The following MTMR9 variants were observed in gnomAD, a reference collection of about 807,000 sequenced individuals.
The protein encoded by MTMR9 is myotubularin-related protein 9.
MTMR9 carries 39 observed loss-of-function variants against 69.5 expected under a neutral mutation model. That is an observed-to-expected ratio of 0.56 (90% CI 0.43 to 0.73). The LOEUF (loss-of-function observed/expected upper bound fraction) is 0.73, where lower values mean the gene tolerates loss of function less well. Among genes scored for constraint, MTMR9 ranks in the 30% least tolerant of loss-of-function variants. The pLI is 0.00. For missense variants in MTMR9, 900 were observed against 671.2 expected (o/e 1.34, Z -3.77); for synonymous variants, 354 against 240.8 (o/e 1.47, Z -4.35).
chr8:11,329,415 C>A (rs961719707), downstream of MTMR9, among the ~76,000 whole-genome samples: 3 of 152,220 alleles, frequency 2.0e-5, no homozygotes, highest in Non-Finnish European at 4.4e-5. Context: ...ACCTCCCTGC[C>A]TGATTCTCCT....
chr8:11,332,323 T>G, downstream of MTMR9: 129 of 746,398 alleles, frequency 1.7e-4, no homozygotes, highest in Non-Finnish European at 2.3e-4. Flanking sequence ...AAATGAGAAA[T>G]CTGGCTTATT....
intron 1 of MTMR9, among the ~76,000 whole-genome samples, chr8:11,288,237 TAATAA>T (rs1174036686): frequency 1.5e-5 from 2 of 136,928 alleles, no homozygotes; most frequent in East Asian, 4.0e-4. Flanking sequence ...TAATATATAA[TAATAA>T]TAATTATATT....
chr8:11,288,557 C>G (rs559176525), intron 1 of MTMR9, among the ~76,000 whole-genome samples: 7 of 151,814 alleles, frequency 4.6e-5, no homozygotes, highest in African/African-American at 1.7e-4. Context: ...GAGGGAACAG[C>G]GAATACAAAG....
intron 1 of MTMR9, among the ~76,000 whole-genome samples, chr8:11,288,455 A>T (rs1814898434): frequency 6.6e-6 from 1 of 151,428 alleles, no homozygotes; most frequent in African/African-American, 2.4e-5. Context: ...CTTAGAAAGG[A>T]TTTCAGAGAA....
intron 6 of MTMR9, 117 bp from the exon 7 acceptor site, chr8:11,314,806 A>C (rs1800343241): frequency 1.1e-6 from 1 of 923,570 alleles, no homozygotes; most frequent in Non-Finnish European, 1.7e-6. Flanking sequence ...TCAATACACT[A>C]AATAAACTGA....
chr8:11,303,720 T>C (rs926882823), intron 3 of MTMR9, among the ~76,000 whole-genome samples: 1 of 151,998 alleles, frequency 6.6e-6, no homozygotes, highest in Admixed American at 6.6e-5. Flanking sequence ...TTTTAGTGGA[T>C]ATGGGGTTTG....
rs1223157204 is a variant in MTMR9 at position 11,327,690 on chromosome 8, G to C, written c.*4902G>C. The C allele has an allele frequency of 1.3e-5, 2 of 152,606 alleles. No homozygotes were observed. Among genetic ancestry groups the C allele is most frequent in the African/African-American group, 4.8e-5 (2 of 41,436 alleles). 9.5% of individuals were successfully genotyped at this position (152,606 alleles called of 1,614,324 possible). On this transcript the variant is annotated 3_prime_UTR_variant, in exon 10 of 10. Transcript: ENST00000221086. ...ATTTGAATGTGACTCTTGGATTTAA[G>C]TGCACTATTATTCATGGCTTATACA...
chr8:11,304,985 C>T lies in MTMR9; in HGVS notation c.562C>T (p.Leu188=), dbSNP rs181339553. The change falls in exon 4 of 10, where the codon CTA becomes TTA. Residue 188 remains leucine (L), a synonymous_variant. Coordinates refer to ENST00000221086, the MANE Select transcript of MTMR9 (RefSeq NM_015458.4). ...TCGACATGGAGGGCGCTTCCCAGTA[C>T]TAAGCTATTACCACAAAAAAAATGG... is the stretch of plus-strand genomic sequence containing the variant. The part of the protein sequence containing the change: ...TFRHGGRFPV[L]SYYHKKNGMV... 1 of 1,614,022 alleles carries T rather than the reference C, an allele frequency of 6.2e-7. No homozygotes were observed. The highest frequency in any genetic ancestry group is 2.2e-5 in the East Asian group (1 of 44,878).
intron 5 of MTMR9, 36 bp from the exon 6 acceptor site, chr8:11,309,491 T>C: frequency 1.3e-6 from 2 of 1,557,172 alleles, no homozygotes; most frequent in Non-Finnish European, 1.7e-6. Flanking sequence ...TTCTATTTTC[T>C]GGGTTTGTTA....
At chr8:11,299,929 T>C (rs2117386561) in intron 2 of MTMR9, 94 bp from the exon 3 acceptor site, 1 of 1,418,952 alleles carries the variant, frequency 7.0e-7, no homozygotes, top group Non-Finnish European at 9.5e-7. Context: ...CCCATCATTA[T>C]TAGACCATGT....
At chr8:11,308,512 T>A (rs1288491747) in intron 5 of MTMR9, among the ~76,000 whole-genome samples, 1 of 152,228 alleles carries the variant, frequency 6.6e-6, no homozygotes, top group East Asian at 1.9e-4. Flanking sequence ...GGAGGTCTTT[T>A]TAATCTCCTT....
At chr8:11,332,151 G>C (rs1403436280), downstream of MTMR9, 3 of 1,610,882 alleles carry the variant, frequency 1.9e-6, no homozygotes, top group South Asian at 3.3e-5. Flanking sequence ...CGGGGGTTGG[G>C]AGGGACAGGG....
the MTMR9 span, among the ~76,000 whole-genome samples, chr8:11,339,251 A>G: frequency 6.6e-6 from 1 of 152,252 alleles, no homozygotes; most frequent in Non-Finnish European, 1.5e-5. Context: ...CAGATGTTGC[A>G]CCTTTACTAG....
At chr8:11,333,342 G>T in the MTMR9 span, among the ~76,000 whole-genome samples, 1 of 152,180 alleles carries the variant, frequency 6.6e-6, no homozygotes, top group Non-Finnish European at 1.5e-5. Context: ...AAGACAATGG[G>T]ATGATATAGT....
rs36105803 is a variant in MTMR9 at position 11,325,657 on chromosome 8, CTTTT to C, written c.*2879_*2882del. 1 of 146,630 alleles carries C rather than the reference CTTTT, an allele frequency of 6.8e-6. No homozygotes were observed. The highest frequency in any genetic ancestry group is 2.5e-5 in the African/African-American group (1 of 39,616). 9.1% of individuals were successfully genotyped at this position (146,630 alleles called of 1,614,324 possible). ...AAGGATCCTCAGATTTAAATAAGTA[CTTTT>C]TTTTTTTTTAATCAGAAGAACATTG... On this transcript the variant is annotated 3_prime_UTR_variant, in exon 10 of 10. Coordinates refer to ENST00000221086, the MANE Select transcript of MTMR9 (RefSeq NM_015458.4).
intron 9 of MTMR9, 131 bp downstream of exon 9, chr8:11,319,969 C>T (rs1287726974): frequency 2.5e-6 from 2 of 797,002 alleles, no homozygotes; most frequent in African/African-American, 1.8e-5. Context: ...AATTGTCATT[C>T]TCAGTGTGGG....
At chr8:11,330,828 C>G (rs1279676933), downstream of MTMR9, 4 of 514,418 alleles carry the variant, frequency 7.8e-6, no homozygotes, top group East Asian at 3.3e-5. Context: ...CCTTTGTTCA[C>G]TTGTTTATCT....
At chr8:11,303,095 G>A (rs1166948534) in intron 3 of MTMR9, among the ~76,000 whole-genome samples, 3 of 150,680 alleles carry the variant, frequency 2.0e-5, no homozygotes, top group African/African-American at 7.4e-5. Context: ...TTTTTATATT[G>A]AATTTGATAA....
At chr8:11,331,194 C>T (rs4841520), downstream of MTMR9, 86,273 of 1,613,736 alleles carry the variant, frequency 0.053, 5,142 homozygotes, top group Admixed American at 0.29. Context: ...CTGGCACCAG[C>T]GCTGCCAGCC....
Sources: gnomAD v4.1 joint callset for allele counts (sites outside exome capture counted in the v4.1 genomes callset) on GRCh38, gnomAD v4.1.1 for gene constraint, MANE v1.5 for transcripts, NCBI Gene and HGNC (gene_info 2026-07-23, HGNC 2026-07-21) for gene names.